FUT8: variants seen among roughly 807,000 people sequenced by gnomAD.
The protein encoded by FUT8 is alpha-(1,6)-fucosyltransferase.
FUT8 carries 29 observed loss-of-function variants against 71.3 expected under a neutral mutation model. The ratio of observed to expected loss-of-function variants is 0.41; its 90% confidence interval spans 0.30 to 0.55. The LOEUF is 0.55. Ranked by LOEUF, FUT8 falls within the 20% of genes least tolerant of loss-of-function variation. The pLI is 0.34. For synonymous variants in FUT8, 254 were observed against 239.3 expected (o/e 1.06, Z -0.57); for missense variants, 544 against 702.1 (o/e 0.77, Z 2.55).
intron 3 of FUT8, among the ~76,000 whole-genome samples, chr14:65,614,317 A>G (rs1889169107): frequency 6.6e-6 from 1 of 152,250 alleles, no homozygotes; most frequent in African/African-American, 2.4e-5. Context: ...AAGTACTTTT[A>G]CAGACATTTC....
chr14:65,540,978 A>G (rs917032042), intron 2 of FUT8, among the ~76,000 whole-genome samples: 7 of 152,144 alleles, frequency 4.6e-5, no homozygotes, highest in African/African-American at 7.2e-5. Flanking sequence ...GGCACAGATC[A>G]CTCTGGTCTT....
the FUT8 span, among the ~76,000 whole-genome samples, chr14:65,366,544 A>G: frequency 1.3e-5 from 2 of 152,298 alleles, no homozygotes; most frequent in Admixed American, 1.3e-4. Context: ...GCCCACCAGA[A>G]TGAGTATTCA....
At chr14:65,612,562 G>C (rs967066434) in intron 3 of FUT8, among the ~76,000 whole-genome samples, 1 of 152,132 alleles carries the variant, frequency 6.6e-6, no homozygotes, top group African/African-American at 2.4e-5. Context: ...CAGATTTCTG[G>C]AATTCTCTGT....
intron 1 of FUT8, among the ~76,000 whole-genome samples, chr14:65,420,102 C>T (rs182683501): frequency 4.6e-4 from 70 of 151,934 alleles, no homozygotes; most frequent in Non-Finnish European, 9.1e-4. Context: ...TAATAAGCAA[C>T]AGAAACCTGG....
rs926310189 is a variant in FUT8, at chr14:65,467,764, G to A, written c.-228+12046G>A. 3.3e-5 allele frequency: 20 copies of A among 609,528 alleles called. No homozygotes were observed. Among genetic ancestry groups the A allele is most frequent in the Middle Eastern group, 4.5e-4 (1 of 2,202 alleles). 37.8% of individuals were successfully genotyped at this position (609,528 alleles called of 1,614,324 possible). A position where few individuals can be genotyped will look rare whatever the true frequency, so the allele number is the denominator to read the frequency against. ...GCTGGGATTACAGGTGTGAGCCACC[G>A]TGCCCAGCCAGTCTAGAGGTCTTTT... On this transcript the variant is annotated intron_variant, in intron 2 of 10. Coordinates refer to ENST00000673929, the MANE Select transcript of FUT8 (RefSeq NM_001371533.1). The surrounding 1 kb of genome is among the most constrained non-coding windows in gnomAD (Gnocchi z 4.1).
chr14:65,532,943 G>A (rs1416298412), intron 2 of FUT8, among the ~76,000 whole-genome samples: 3 of 152,148 alleles, frequency 2.0e-5, no homozygotes, highest in African/African-American at 7.2e-5. Flanking sequence ...TCAGATGGTT[G>A]TAGATATGCA....
chr14:65,671,718 T>C (rs1262612673), intron 7 of FUT8, among the ~76,000 whole-genome samples: 1 of 152,236 alleles, frequency 6.6e-6, no homozygotes, highest in African/African-American at 2.4e-5. Context: ...GAGATTTCTT[T>C]TAAGCTTAGA....
At chr14:65,356,965 A>C in the FUT8 span, among the ~76,000 whole-genome samples, 1 of 152,216 alleles carries the variant, frequency 6.6e-6, no homozygotes, top group Non-Finnish European at 1.5e-5. This position sits in a 1 kb window ranked among gnomAD's most constrained non-coding sequence, Gnocchi z 4.6. Context: ...GTCAGGGGCA[A>C]GCACTGGGAC....
intron 7 of FUT8, among the ~76,000 whole-genome samples, chr14:65,690,544 T>G (rs1893522571): frequency 6.6e-6 from 1 of 152,162 alleles, no homozygotes; most frequent in Non-Finnish European, 1.5e-5. Context: ...TTAGATTTTC[T>G]TTGGTTTCTT....
At chr14:65,618,146 C>G (rs894045063) in intron 5 of FUT8, among the ~76,000 whole-genome samples, 1 of 149,860 alleles carries the variant, frequency 6.7e-6, no homozygotes, top group Admixed American at 6.7e-5. Context: ...CAGTGATCCT[C>G]CCTCGTCAGC....
intron 9 of FUT8, among the ~76,000 whole-genome samples, chr14:65,726,967 G>A (rs931228262): frequency 6.6e-6 from 1 of 152,186 alleles, no homozygotes; most frequent in Non-Finnish European, 1.5e-5. Flanking sequence ...ATCCAGTGGG[G>A]CAGTCGAATG....
At chr14:65,503,811 T>G (rs2066683793) in intron 2 of FUT8, among the ~76,000 whole-genome samples, 1 of 152,210 alleles carries the variant, frequency 6.6e-6, no homozygotes, top group Non-Finnish European at 1.5e-5. Context: ...GTGAGAGAGT[T>G]AAAATGGAAG....
intron 1 of FUT8, among the ~76,000 whole-genome samples, chr14:65,428,337 A>G (rs2065419640): frequency 6.6e-6 from 1 of 152,162 alleles, no homozygotes; most frequent in African/African-American, 2.4e-5. Flanking sequence ...GATGGTTTTA[A>G]GAGGTGGGGC....
intron 2 of FUT8, among the ~76,000 whole-genome samples, chr14:65,488,762 C>T (rs373047612): frequency 3.9e-5 from 6 of 152,196 alleles, no homozygotes. Context: ...TGGTTAGCAT[C>T]CATAGAAGAC....
At chr14:65,558,344 A>T (rs1885712083) in intron 2 of FUT8, among the ~76,000 whole-genome samples, 2 of 145,352 alleles carry the variant, frequency 1.4e-5, no homozygotes. Flanking sequence ...AAAAAAAAAG[A>T]CTCTCTTGGT....
At chr14:65,395,556 C>T in the FUT8 span, among the ~76,000 whole-genome samples, 13 of 152,154 alleles carry the variant, frequency 8.5e-5, no homozygotes, top group East Asian at 9.6e-4. Flanking sequence ...AGCCATGGCC[C>T]GAGCCATACC....
At chr14:65,601,976 TA>T (rs1031970651) in intron 3 of FUT8, among the ~76,000 whole-genome samples, 5 of 152,064 alleles carry the variant, frequency 3.3e-5, no homozygotes, top group Admixed American at 6.6e-5. Flanking sequence ...TGATGGTTTT[TA>T]AAAAAATTTT....
At chr14:65,691,040 T>G (rs1220805765) in intron 7 of FUT8, among the ~76,000 whole-genome samples, 2 of 151,238 alleles carry the variant, frequency 1.3e-5, no homozygotes, top group African/African-American at 4.9e-5. Flanking sequence ...TTGACTTTTG[T>G]ATATCAACCT....
intron 7 of FUT8, among the ~76,000 whole-genome samples, chr14:65,670,421 T>C (rs1228077914): frequency 1.3e-5 from 2 of 152,308 alleles, no homozygotes; most frequent in Middle Eastern, 3.4e-3. Flanking sequence ...TATGAACTTA[T>C]ATCTAGTAAT....
Sources: allele counts gnomAD v4.1 joint callset (sites outside exome capture counted in the v4.1 genomes callset), GRCh38; gene constraint gnomAD v4.1.1; non-coding constraint Gnocchi (gnomAD v3.1); transcripts MANE v1.5; gene names NCBI Gene and HGNC (gene_info 2026-07-23, HGNC 2026-07-21).